Variants in ITPR2 observed in about 807,000 individuals in gnomAD.
ITPR2 encodes inositol 1,4,5-trisphosphate receptor type 2.
ITPR2 carries 207 observed loss-of-function variants against 317.1 expected under a neutral mutation model. The observed-to-expected ratio is 0.65, with a 90% CI of 0.58 to 0.73. The LOEUF (loss-of-function observed/expected upper bound fraction) is 0.73. Ranked by LOEUF, ITPR2 falls within the 30% of genes least tolerant of loss-of-function variation. The pLI, the probability that ITPR2 is intolerant of heterozygous loss-of-function variation, is 0.00. For missense variants in ITPR2, 2,613 were observed against 3,284.0 expected, an observed-to-expected ratio of 0.80 and a Z score of 4.99; for synonymous variants, 1,156 against 1,149.1, an observed-to-expected ratio of 1.01 and a Z score of -0.12.
chr12:26,738,761 T>C (rs780254139), intron 2 of ITPR2, among the ~76,000 whole-genome samples: 29 of 152,144 alleles, frequency 1.9e-4, no homozygotes, highest in Admixed American at 4.6e-4. Flanking sequence ...TTCCCCAAAC[T>C]TTTTCTTTTC....
intron 11 of ITPR2, among the ~76,000 whole-genome samples, chr12:26,685,151 G>A (rs1459443914): frequency 6.6e-6 from 1 of 152,148 alleles, no homozygotes; most frequent in African/African-American, 2.4e-5. Context: ...CATCTGCCAA[G>A]GCCAAGCACA....
At chr12:26,815,622 G>A (rs376380362) in intron 1 of ITPR2, among the ~76,000 whole-genome samples, 1 of 151,988 alleles carries the variant, frequency 6.6e-6, no homozygotes, top group Admixed American at 6.6e-5. Flanking sequence ...TCAGGTGTTT[G>A]CATTACATCA....
At chr12:26,807,969 C>T (rs1269620878) in intron 1 of ITPR2, among the ~76,000 whole-genome samples, 1 of 152,196 alleles carries the variant, frequency 6.6e-6, no homozygotes, top group Non-Finnish European at 1.5e-5. Context: ...CTTTCTCTCC[C>T]ATTACCCCCA....
intron 13 of ITPR2, among the ~76,000 whole-genome samples, chr12:26,672,662 C>A (rs1375070059): frequency 1.3e-5 from 2 of 151,264 alleles, no homozygotes; most frequent in Non-Finnish European, 2.9e-5. Flanking sequence ...AGAGCAAACA[C>A]ATTCAAAAGC....
intron 26 of ITPR2, among the ~76,000 whole-genome samples, chr12:26,616,737 C>T (rs1946381850): frequency 6.6e-6 from 1 of 152,060 alleles, no homozygotes; most frequent in Admixed American, 6.6e-5. Flanking sequence ...CCTTGAACAA[C>T]ATGAATTTGA....
intron 1 of ITPR2, among the ~76,000 whole-genome samples, chr12:26,827,357 G>A (rs896167209): frequency 2.0e-5 from 3 of 152,074 alleles, no homozygotes; most frequent in African/African-American, 7.2e-5. Context: ...AGTAAATACA[G>A]GTAAAGGATA....
chr12:26,509,043 A>G (rs1395824301), intron 37 of ITPR2, among the ~76,000 whole-genome samples: 2 of 152,244 alleles, frequency 1.3e-5, no homozygotes, highest in African/African-American at 4.8e-5. Flanking sequence ...ATAATAGAAT[A>G]TTATTTGGCA....
At chr12:26,619,903 T>C (rs1018420780) in intron 26 of ITPR2, among the ~76,000 whole-genome samples, 1 of 152,202 alleles carries the variant, frequency 6.6e-6, no homozygotes, top group African/African-American at 2.4e-5. Flanking sequence ...GTCCATTTGA[T>C]AGTCAATAAA....
At chr12:26,750,421 G>A (rs968966066) in intron 2 of ITPR2, among the ~76,000 whole-genome samples, 1 of 152,134 alleles carries the variant, frequency 6.6e-6, no homozygotes, top group African/African-American at 2.4e-5. Context: ...ATCATCTGAA[G>A]ATAGCCAGAG....
chr12:26,458,240 G>T (rs1337583726), intron 45 of ITPR2, among the ~76,000 whole-genome samples: 2 of 152,190 alleles, frequency 1.3e-5, no homozygotes, highest in Non-Finnish European at 2.9e-5. Context: ...GGAGTGAGCA[G>T]CTCTGCCAGG....
chr12:26,466,344 C>T (rs1247712315), intron 45 of ITPR2, among the ~76,000 whole-genome samples: 3 of 152,168 alleles, frequency 2.0e-5, no homozygotes. Flanking sequence ...TTAATGAATA[C>T]TATAGGTATC....
chr12:26,797,264 T>C (rs1029236058), intron 1 of ITPR2, among the ~76,000 whole-genome samples: 1 of 152,172 alleles, frequency 6.6e-6, no homozygotes, highest in Non-Finnish European at 1.5e-5. Context: ...ACATGGGGTA[T>C]AAAAAATTAA....
In ITPR2 at chr12:26,599,334, T is replaced by G. The variant is rs1945936032; in HGVS notation, c.3813A>C (p.Ala1271=). 6.2e-7 allele frequency: 1 copy of G among 1,614,038 alleles called. No individual in the cohort carries two copies. Among genetic ancestry groups the G allele is most frequent in the East Asian group, 2.2e-5 (1 of 44,890 alleles). ...TCATGAAGATGTGCCGCATGGTTTC[T>G]GCTTCAAGGAGCTAAACACAGAGGA... is the stretch of plus-strand genomic sequence containing the variant. ...NLFLTPGLLE[A]ETMRHIFMNN... is the part of the protein sequence containing the mutation. Residue 1271 remains alanine, a synonymous_variant, in exon 30 of 57, where the codon GCA becomes GCC. Coordinates refer to ENST00000381340, the MANE Select transcript of ITPR2 (RefSeq NM_002223.4).
intron 52 of ITPR2, among the ~76,000 whole-genome samples, chr12:26,405,145 A>G (rs991996234): frequency 5.9e-4 from 90 of 152,092 alleles, no homozygotes; most frequent in African/African-American, 2.0e-3. Context: ...AAAAAAAAAA[A>G]AAGAAGAAGA....
Position 26,561,801 on chromosome 12 carries a change from C to T in ITPR2, c.4782G>A (p.Gly1594=). Residue 1594 remains glycine, a synonymous_variant, in exon 35 of 57, where the codon GGG becomes GGA. Coordinates refer to ENST00000381340, the MANE Select transcript of ITPR2 (RefSeq NM_002223.4). Reference sequence around the variant, plus strand: ...TAATATTTCTGTAATCCCAAGCAGGCCCTCCAAGAGCTTCCTTAAAGCGTG... The same window carrying T: ...TAATATTTCTGTAATCCCAAGCAGGTCCTCCAAGAGCTTCCTTAAAGCGTG... ...SGPRFKEALG[G]PAWDYRNIIE... is the part of the protein sequence containing the mutation. The T allele has an allele frequency of 6.3e-7, 1 of 1,586,928 alleles. No individual in the cohort carries two copies. The highest frequency in any genetic ancestry group is 8.5e-7 in the Non-Finnish European group (1 of 1,172,630).
chr12:26,465,104 G>A (rs777936659), intron 45 of ITPR2, among the ~76,000 whole-genome samples: 6 of 152,194 alleles, frequency 3.9e-5, no homozygotes, highest in Non-Finnish European at 7.3e-5. Flanking sequence ...GGGAGTGAGC[G>A]TCGATTAAGA....
At chr12:26,707,536 T>A in intron 9 of ITPR2, among the ~76,000 whole-genome samples, 1 of 152,182 alleles carries the variant, frequency 6.6e-6, no homozygotes, top group East Asian at 1.9e-4. Flanking sequence ...CTATTTTATT[T>A]TATTTTATTT....
intron 2 of ITPR2, among the ~76,000 whole-genome samples, chr12:26,751,695 G>A (rs1395202274): frequency 5.3e-5 from 8 of 151,994 alleles, no homozygotes; most frequent in African/African-American, 1.9e-4. Context: ...GTGAAACCCC[G>A]TCTCAACTAA....
At chr12:26,497,322 T>G (rs990135905) in intron 37 of ITPR2, among the ~76,000 whole-genome samples, 1 of 151,670 alleles carries the variant, frequency 6.6e-6, no homozygotes, top group Non-Finnish European at 1.5e-5. Flanking sequence ...CCCAGCTAAT[T>G]TTTTTGTATT....
Sources: gnomAD v4.1 joint callset for allele counts (sites outside exome capture counted in the v4.1 genomes callset) on GRCh38, gnomAD v4.1.1 for gene constraint, MANE v1.5 for transcripts, NCBI Gene and HGNC (gene_info 2026-07-23, HGNC 2026-07-21) for gene names.